Variants in CERS3 observed in about 807,000 individuals in gnomAD.
CERS3 encodes the protein LAG1 homolog, ceramide synthase 3.
Under a neutral mutation model 50.3 loss-of-function variants are expected in CERS3, and 33 were observed. That is an observed-to-expected ratio of 0.66 (90% CI 0.50 to 0.88). The LOEUF (loss-of-function observed/expected upper bound fraction) is 0.88. Ranked by LOEUF, CERS3 falls within the 40% of genes least tolerant of loss-of-function variation. The pLI, the probability that CERS3 is intolerant of heterozygous loss-of-function variation, is 0.00. For missense variants in CERS3, 470 were observed against 460.3 expected, an observed-to-expected ratio of 1.02 and a Z score of -0.19; for synonymous variants, 176 against 155.2, an observed-to-expected ratio of 1.13 and a Z score of -0.99.
intron 11 of CERS3, among the ~76,000 whole-genome samples, chr15:100,442,999 C>A (rs578150007): frequency 2.0e-5 from 3 of 151,770 alleles, no homozygotes; most frequent in Admixed American, 1.3e-4. Flanking sequence ...TTAGACAATA[C>A]TCTTTTAAGC....
In CERS3 at chr15:100,426,805, C is replaced by A. The variant is rs544240805; in HGVS notation, c.1000-23940G>T. On this transcript the variant is annotated intron_variant, in intron 11 of 11. Coordinates refer to ENST00000679737, the MANE Select transcript of CERS3 (RefSeq NM_001378789.1). Reference sequence around the variant, plus strand: ...AACTCTAGTCTCCTCCCCTTAACACCACCTTTTTCTCTGGCCTTCCATAAT... The same window carrying A: ...AACTCTAGTCTCCTCCCCTTAACACAACCTTTTTCTCTGGCCTTCCATAAT... Among the ~76,000 whole-genome samples the A allele has an allele frequency of 3.9e-5, 6 of 152,294 alleles. No homozygotes were observed. The South Asian group carries it at 1.0e-3, about 26-fold the overall frequency.
intron 11 of CERS3, among the ~76,000 whole-genome samples, chr15:100,423,270 A>G (rs1596633743): frequency 1.3e-5 from 2 of 152,188 alleles, no homozygotes; most frequent in African/African-American, 4.8e-5. Context: ...ATTACTGGGT[A>G]TATACCCAAA....
At chr15:100,475,204 T>C (rs2035088904) in intron 8 of CERS3, among the ~76,000 whole-genome samples, 1 of 152,242 alleles carries the variant, frequency 6.6e-6, no homozygotes, top group Non-Finnish European at 1.5e-5. Context: ...AAATGGAGAT[T>C]ATTTCTATCA....
intron 11 of CERS3, among the ~76,000 whole-genome samples, chr15:100,409,684 T>C (rs1596604125): frequency 6.6e-6 from 1 of 152,334 alleles, no homozygotes; most frequent in East Asian, 1.9e-4. Context: ...TCCGTTTCTT[T>C]GAATCTACTG....
At chr15:100,406,919 C>A (rs1292196842) in intron 11 of CERS3, among the ~76,000 whole-genome samples, 1 of 152,206 alleles carries the variant, frequency 6.6e-6, no homozygotes, top group Non-Finnish European at 1.5e-5. Context: ...TCACATCTTA[C>A]ATGGATGGCA....
chr15:100,488,448 ACTTGT>A (rs1426163813), intron 4 of CERS3, among the ~76,000 whole-genome samples: 1 of 152,254 alleles, frequency 6.6e-6, no homozygotes, highest in Admixed American at 6.5e-5. Context: ...CCACCCAGCA[ACTTGT>A]CTTATTACCT....
chr15:100,404,241 A>G (rs77413036), intron 11 of CERS3, among the ~76,000 whole-genome samples: 12,934 of 152,322 alleles, frequency 0.085, 732 homozygotes, highest in Non-Finnish European at 0.13. Flanking sequence ...CTGTGAGAGA[A>G]TACATTTCTG....
At chr15:100,516,729 C>G (rs1276103940) in intron 2 of CERS3, among the ~76,000 whole-genome samples, 2 of 152,234 alleles carry the variant, frequency 1.3e-5, no homozygotes, top group Non-Finnish European at 2.9e-5. Context: ...GGTTTCACAG[C>G]TGTCTTTCAG....
intron 4 of CERS3, among the ~76,000 whole-genome samples, chr15:100,486,201 A>G (rs1040353826): frequency 3.9e-5 from 6 of 152,248 alleles, no homozygotes; most frequent in African/African-American, 1.4e-4. Flanking sequence ...TGTGGGCCAG[A>G]TGGCTGAATA....
chr15:100,489,750 G>A (rs1182893822), intron 4 of CERS3, among the ~76,000 whole-genome samples: 2 of 152,066 alleles, frequency 1.3e-5, no homozygotes, highest in African/African-American at 2.4e-5. Context: ...AAGCACATGG[G>A]AATAAAAAAC....
At chr15:100,428,705 G>A (rs543089989) in intron 11 of CERS3, among the ~76,000 whole-genome samples, 8 of 152,328 alleles carry the variant, frequency 5.3e-5, no homozygotes, top group Admixed American at 3.3e-4. Context: ...ATAATGGTCT[G>A]TTCTCAAATA....
At chr15:100,532,445 T>G (rs554555014), upstream of CERS3, among the ~76,000 whole-genome samples, 3 of 152,322 alleles carry the variant, frequency 2.0e-5, no homozygotes, top group East Asian at 5.8e-4. Context: ...AAATGCTATT[T>G]GTCCACAGAC....
intron 10 of CERS3, among the ~76,000 whole-genome samples, chr15:100,460,646 C>T (rs1312244965): frequency 6.6e-6 from 1 of 152,182 alleles, no homozygotes; most frequent in Non-Finnish European, 1.5e-5. Context: ...CCTCCTGGCT[C>T]TCCCCTCCTC....
rs767763454 is a variant in CERS3, at chr15:100,472,947, C to T, written c.715G>A (p.Asp239Asn). ...RSGTLVMIVHDVADIWLESAK... is the reference protein window; with the variant it reads ...RSGTLVMIVHNVADIWLESAK... Reference sequence around the variant, plus strand: ...ACCTCCAGCCAAATGTCAGCCACATCGTGTACAATCATCACGAGGGTCCCA... The same window carrying T: ...ACCTCCAGCCAAATGTCAGCCACATTGTGTACAATCATCACGAGGGTCCCA... The change falls in exon 9 of 12, where the codon GAT (aspartate) becomes AAT (asparagine). Residue 239 changes from aspartate (D) to asparagine (N), a missense_variant. By Grantham distance (23) the Asp-to-Asn change is conservative. Transcript: ENST00000679737. 1.3e-5 allele frequency: 21 copies of T among 1,613,958 alleles called. No individual in the cohort carries two copies. The highest frequency in any genetic ancestry group is 1.7e-5 in the Admixed American group (1 of 60,010).
At chr15:100,460,959 G>A (rs747951172) in intron 10 of CERS3, among the ~76,000 whole-genome samples, 2 of 152,152 alleles carry the variant, frequency 1.3e-5, no homozygotes, top group African/African-American at 2.4e-5. Context: ...TGGAAAATTC[G>A]AGGAGCTAAA....
At chr15:100,473,718 C>G (rs1437422058) in intron 8 of CERS3, among the ~76,000 whole-genome samples, 2 of 152,212 alleles carry the variant, frequency 1.3e-5, no homozygotes, top group Non-Finnish European at 2.9e-5. Context: ...AATGGTGTAG[C>G]TGCTTTGTTA....
chr15:100,423,725 C>T (rs548179123), intron 11 of CERS3, among the ~76,000 whole-genome samples: 1 of 152,098 alleles, frequency 6.6e-6, no homozygotes, highest in Non-Finnish European at 1.5e-5. Flanking sequence ...AAGTAACAAA[C>T]CTGTACATGT....
At chr15:100,500,276 A>T (rs1567665033) in intron 3 of CERS3, 1 of 152,192 alleles carries the variant, frequency 6.6e-6, no homozygotes, top group African/African-American at 2.4e-5. Context: ...TTATAAGGAG[A>T]TAGAATAGAG....
At chr15:100,499,306 A>C (rs568739400) in intron 3 of CERS3, among the ~76,000 whole-genome samples, 1 of 152,344 alleles carries the variant, frequency 6.6e-6, no homozygotes, top group Non-Finnish European at 1.5e-5. Flanking sequence ...GAATGCACAG[A>C]AGATAAACTA....
Sources: gnomAD v4.1 joint callset for allele counts (sites outside exome capture counted in the v4.1 genomes callset) on GRCh38, gnomAD v4.1.1 for gene constraint, MANE v1.5 for transcripts, NCBI Gene and HGNC (gene_info 2026-07-23, HGNC 2026-07-21) for gene names.